Variants in ZNF100 observed in about 807,000 individuals in gnomAD.
The protein encoded by ZNF100 is zinc finger protein 100 (Y1).
A neutral mutation model predicts 15.8 loss-of-function variants in ZNF100; 12 were observed. The ratio of observed to expected loss-of-function variants is 0.76; its 90% CI spans 0.49 to 1.23. The LOEUF is 1.23. Among genes scored for constraint, ZNF100 ranks in the 50% most tolerant of loss-of-function variants. The pLI is 0.00. For synonymous variants in ZNF100, 226 were observed against 214.8 expected (o/e 1.05, Z -0.45); for missense variants, 670 against 635.6 (o/e 1.05, Z -0.58).
At chr19:21,738,814 C>T (rs1173721332) in intron 4 of ZNF100, among the ~76,000 whole-genome samples, 1 of 151,956 alleles carries the variant, frequency 6.6e-6, no homozygotes, top group Non-Finnish European at 1.5e-5. Flanking sequence ...GGCATGGTGG[C>T]GGGTGCCTAT....
At chr19:21,767,367 C>G in intron 1 of ZNF100, 60 bp downstream of exon 1, 3 of 1,613,358 alleles carry the variant, frequency 1.9e-6, no homozygotes, top group Non-Finnish European at 2.5e-6. Flanking sequence ...ACAGCTACTT[C>G]CCACCAGTTC....
At chr19:21,739,603 C>A (rs1422759155) in intron 4 of ZNF100, among the ~76,000 whole-genome samples, 2 of 152,190 alleles carry the variant, frequency 1.3e-5, no homozygotes, top group African/African-American at 2.4e-5. Flanking sequence ...TCATGCACTG[C>A]ATGGTATCTG....
chr19:21,746,275 AG>A (rs1453349616), intron 2 of ZNF100, among the ~76,000 whole-genome samples: 1 of 152,238 alleles, frequency 6.6e-6, no homozygotes, highest in African/African-American at 2.4e-5. Context: ...GCAAAGTTCA[AG>A]ATACAGGTAT....
In ZNF100 at chr19:21,751,265, C is replaced by T; in HGVS notation, c.97-6198G>A. ...GTCAGCCAGCCTAACCTTAGAACCACAGTAAAATGTGACCTTAGAAATATA... is the reference window on the plus strand; with the variant it reads ...GTCAGCCAGCCTAACCTTAGAACCATAGTAAAATGTGACCTTAGAAATATA... On this transcript the variant is annotated intron_variant, in intron 2 of 4. Coordinates refer to ENST00000358296, the MANE Select transcript of ZNF100 (RefSeq NM_173531.4). 5 of 1,126,418 alleles carry T rather than the reference C, an allele frequency of 4.4e-6. No homozygotes were observed. In the South Asian group the frequency reaches 6.2e-5, roughly 14 times the overall value. 69.8% of individuals were successfully genotyped at this position (1,126,418 alleles called of 1,614,324 possible). A position where few individuals can be genotyped will look rare whatever the true frequency, so the allele number is the denominator to read the frequency against.
intron 4 of ZNF100, among the ~76,000 whole-genome samples, 162 bp downstream of exon 4, chr19:21,743,852 CCAA>C (rs746905235): frequency 0.06 from 1,402 of 23,316 alleles, 25 homozygotes; most frequent in African/African-American, 0.14. Context: ...TACGTGACAG[CCAA>C]AAAAAAAAAA....
intron 2 of ZNF100, chr19:21,746,834 A>G (rs565061956): frequency 6.6e-6 from 1 of 151,856 alleles, no homozygotes; most frequent in South Asian, 2.1e-4. Context: ...AGAAAAAAAA[A>G]CATCATTTTT....
At chr19:21,756,258 T>C (rs1314051392) in intron 2 of ZNF100, among the ~76,000 whole-genome samples, 4 of 152,122 alleles carry the variant, frequency 2.6e-5, no homozygotes, top group Admixed American at 2.6e-4. Flanking sequence ...ACAGCCAACA[T>C]ACTAAATGGA....
intron 2 of ZNF100, among the ~76,000 whole-genome samples, chr19:21,759,325 T>C (rs1841336677): frequency 6.6e-6 from 1 of 152,154 alleles, no homozygotes; most frequent in South Asian, 2.1e-4. Flanking sequence ...TGGGGAAAGA[T>C]GAAACATATA....
intron 1 of ZNF100, among the ~76,000 whole-genome samples, chr19:21,766,929 G>A (rs2036572827): frequency 5.3e-5 from 8 of 152,342 alleles, no homozygotes; most frequent in Admixed American, 4.6e-4. Flanking sequence ...GGGAGGCGGA[G>A]GTTGCAGTGA....
intron 4 of ZNF100, among the ~76,000 whole-genome samples, chr19:21,739,310 A>G (rs188770683): frequency 4.6e-5 from 7 of 152,342 alleles, no homozygotes; most frequent in South Asian, 2.1e-4. Flanking sequence ...AATTTCAACA[A>G]TTTGGAAGAC....
At chr19:21,759,436 A>G (rs1296170206) in intron 2 of ZNF100, among the ~76,000 whole-genome samples, 1 of 152,220 alleles carries the variant, frequency 6.6e-6, no homozygotes, top group African/African-American at 2.4e-5. Flanking sequence ...TGAATTACAC[A>G]GTGCTCTCTT....
chr19:21,746,434 A>C (rs769494027), intron 2 of ZNF100, among the ~76,000 whole-genome samples: 6 of 152,240 alleles, frequency 3.9e-5, no homozygotes, highest in Non-Finnish European at 7.3e-5. Flanking sequence ...CCTGTTCTGC[A>C]TAGAGCTAAT....
rs371982325 is a variant in ZNF100, at chr19:21,739,953, AT to A, written c.322+4063del. On this transcript the variant is annotated intron_variant, in intron 4 of 4. Coordinates refer to ENST00000358296, the MANE Select transcript of ZNF100 (RefSeq NM_173531.4). Reference sequence around the variant, plus strand: ...GGTGAACAAATTCAGTACAATCTCTATAAAAATCTCAATAGCACAGTTATTA... The same window carrying A: ...GGTGAACAAATTCAGTACAATCTCTAAAAAATCTCAATAGCACAGTTATTA... Among the ~76,000 whole-genome samples, 11 of 152,358 alleles carry A rather than the reference AT, an allele frequency of 7.2e-5. No homozygotes were observed. The East Asian group carries it at 2.1e-3, about 29-fold the overall frequency.
intron 2 of ZNF100, chr19:21,752,224 AG>A (rs1178413965): frequency 6.5e-6 from 1 of 153,498 alleles, no homozygotes; most frequent in African/African-American, 2.4e-5. Flanking sequence ...GAACTATGTT[AG>A]GTTTTTTAAA....
intron 2 of ZNF100, among the ~76,000 whole-genome samples, chr19:21,762,992 C>CTATGAGAGTT (rs2036505056): frequency 6.6e-6 from 1 of 152,148 alleles, no homozygotes; most frequent in Non-Finnish European, 1.5e-5. Context: ...CCCATCAGTG[C>CTATGAGAGTT]TATGAGAGTT....
intron 1 of ZNF100, among the ~76,000 whole-genome samples, chr19:21,766,431 T>A (rs1370680561): frequency 1.5e-5 from 2 of 129,382 alleles, no homozygotes; most frequent in Non-Finnish European, 3.4e-5. Flanking sequence ...AAAAAAAAAA[T>A]CTAACTCAGG....
chr19:21,732,782 G>C, intron 4 of ZNF100, among the ~76,000 whole-genome samples: 1 of 151,736 alleles, frequency 6.6e-6, no homozygotes, highest in South Asian at 2.1e-4. Flanking sequence ...AGACAAAAAA[G>C]GCTGAGAACT....
chr19:21,750,790 G>A (rs899641141), intron 2 of ZNF100: 5 of 391,578 alleles, frequency 1.3e-5, no homozygotes, highest in Admixed American at 4.2e-5. Context: ...TGCTGAGGGC[G>A]GCGAGTAGGG....
chr19:21,736,924 A>T (rs758869046), intron 4 of ZNF100, among the ~76,000 whole-genome samples: 1 of 152,134 alleles, frequency 6.6e-6, no homozygotes, highest in Non-Finnish European at 1.5e-5. Flanking sequence ...AGCACTAAAT[A>T]CCCACATCAA....
Sources: gnomAD v4.1 joint callset for allele counts (sites outside exome capture counted in the v4.1 genomes callset) on GRCh38, gnomAD v4.1.1 for gene constraint, MANE v1.5 for transcripts, NCBI Gene and HGNC (gene_info 2026-07-23, HGNC 2026-07-21) for gene names.